Variants in SDK2 observed in about 807,000 individuals in gnomAD.
SDK2 encodes the protein sidekick cell adhesion molecule 2, also known as protein sidekick-2.
Under a neutral mutation model 253.9 loss-of-function variants are expected in SDK2, and 105 were observed. The observed-to-expected ratio is 0.41, with a 90% CI of 0.35 to 0.49. The LOEUF (loss-of-function observed/expected upper bound fraction) is 0.49, where lower values mean the gene tolerates loss of function less well. Ranked by LOEUF, SDK2 falls within the 20% of genes least tolerant of loss-of-function variation. SDK2 has a pLI of 0.06. For missense variants in SDK2, 2,608 were observed against 3,003.0 expected, an observed-to-expected ratio of 0.87 and a Z score of 3.07; for synonymous variants, 1,249 against 1,234.9, an observed-to-expected ratio of 1.01 and a Z score of -0.24.
chr17:73,456,017 C>T lies in SDK2; in HGVS notation c.368G>A (p.Ser123Asn). ...GACAGCTGCTTCTCCGTGGGAGACG[C>T]TCTGGTGCTTCTCACCTTCCTCAAA... ...GSFEEGEKHQSVSHGEAAVIR... is the reference protein window; with the variant it reads ...GSFEEGEKHQNVSHGEAAVIR... The change falls in exon 4 of 45, where the codon AGC (serine) becomes AAC (asparagine). Residue 123 changes from serine to asparagine, a missense_variant. Physicochemically the swap from Ser to Asn is conservative, Grantham distance 46 (BLOSUM62 1). This residue lies in a region of SDK2 where 1,505 missense variants were observed against 1,859.1 expected (regional missense o/e 0.81). Transcript: ENST00000392650. 1 of 1,538,624 alleles carries T rather than the reference C, an allele frequency of 6.5e-7. No individual in the cohort carries two copies. The highest frequency in any genetic ancestry group is 8.8e-7 in the Non-Finnish European group (1 of 1,139,522).
At chr17:73,438,179 T>C in intron 6 of SDK2, 25 bp from the exon 7 acceptor site, 2 of 1,540,814 alleles carry the variant, frequency 1.3e-6, no homozygotes, top group Non-Finnish European at 1.8e-6. Flanking sequence ...GGAAGGCCAG[T>C]GTTCAGCCAT....
intron 36 of SDK2, among the ~76,000 whole-genome samples, chr17:73,376,681 C>T (rs1195277418): frequency 6.6e-6 from 1 of 152,054 alleles, no homozygotes; most frequent in Non-Finnish European, 1.5e-5. Context: ...TAACTCACCA[C>T]TTACAAGCCT....
Position 73,352,548 on chromosome 17 carries a change from T to C in SDK2, c.5683A>G (p.Ser1895Gly). ...FSMDILKPGV[S>G]YDFRVIAVND... ...ACCGCGATGACCCGGAAGTCATAGCTCACGCCCGGCTTCAGGATGTCCATG... is the reference window on the plus strand; with the variant it reads ...ACCGCGATGACCCGGAAGTCATAGCCCACGCCCGGCTTCAGGATGTCCATG... Residue 1895 changes from serine to glycine, a missense_variant, in exon 41 of 45, where the codon AGC becomes GGC. This residue lies in a region of SDK2 where 1,103 missense variants were observed against 1,143.9 expected (regional missense o/e 0.96). Transcript: ENST00000392650. The surrounding 1 kb of genome is among the most constrained non-coding windows in gnomAD (Gnocchi z 4.1). 1 of 1,614,036 alleles carries C rather than the reference T, an allele frequency of 6.2e-7. No homozygotes were observed. The highest frequency in any genetic ancestry group is 2.2e-5 in the East Asian group (1 of 44,886).
rs2063720908 is a variant in SDK2 at position 73,481,140 on chromosome 17, G to C, written c.225-8922C>G. ...TGGAGCAGGCACTGGGGAGGGGACA[G>C]GCAAGCCCAGGCGAGCTGAGCACGG... On this transcript the variant is annotated intron_variant, in intron 2 of 44. Transcript: ENST00000392650. This position sits in a 1 kb window ranked among gnomAD's most constrained non-coding sequence, Gnocchi z 4.5. 6.6e-6 allele frequency among the ~76,000 whole-genome samples: 1 copy of C among 152,236 alleles called. No homozygotes were observed. The highest frequency in any genetic ancestry group is 2.1e-4 in the South Asian group (1 of 4,834).
chr17:73,477,295 T>C (rs549634801), intron 2 of SDK2, among the ~76,000 whole-genome samples: 25 of 150,922 alleles, frequency 1.7e-4, no homozygotes, highest in Non-Finnish European at 3.5e-4. Context: ...ACTGGCTGAG[T>C]CCAGCCCCAT....
intron 1 of SDK2, among the ~76,000 whole-genome samples, chr17:73,583,528 C>T (rs2045564166): frequency 6.6e-6 from 1 of 152,170 alleles, no homozygotes; most frequent in Non-Finnish European, 1.5e-5. Context: ...AACCGCCTCT[C>T]ACCCACTGAG....
At chr17:73,466,331 G>A (rs976451527) in intron 3 of SDK2, among the ~76,000 whole-genome samples, 5 of 152,184 alleles carry the variant, frequency 3.3e-5, no homozygotes, top group African/African-American at 1.2e-4. Context: ...GTTTGTGTGC[G>A]TTGATACCAT....
chr17:73,593,496 A>G (rs1460699616), intron 1 of SDK2, among the ~76,000 whole-genome samples: 1 of 152,144 alleles, frequency 6.6e-6, no homozygotes, highest in African/African-American at 2.4e-5. Flanking sequence ...AACCTGGACA[A>G]CATTTGCCTC....
In SDK2 at chr17:73,394,221, C is replaced by A; in HGVS notation, c.3696G>T (p.Val1232=). ...TCCCGGGACTCACCTTATAGCCCAG[C>A]ACGAGCCCGTTGCGATCAGCCTCGG... The part of the protein sequence containing the change: ...EVPEADRNGL[V]LGYKVMYKEK... The change falls in exon 26 of 45, where the codon GTG becomes GTT. Residue 1232 remains valine, a synonymous_variant. Transcript: ENST00000392650. 1.9e-6 allele frequency: 3 copies of A among 1,577,962 alleles called. No homozygotes were observed. The East Asian group carries it at 6.8e-5, about 36-fold the overall frequency.
At chr17:73,491,377 T>C (rs1477620393) in intron 2 of SDK2, among the ~76,000 whole-genome samples, 3 of 149,218 alleles carry the variant, frequency 2.0e-5, no homozygotes, top group Non-Finnish European at 4.5e-5. Flanking sequence ...TTTTTGGCTT[T>C]TTTTTTTTTT....
chr17:73,557,835 A>G (rs781370796), intron 1 of SDK2, among the ~76,000 whole-genome samples: 1 of 152,172 alleles, frequency 6.6e-6, no homozygotes, highest in Non-Finnish European at 1.5e-5. Context: ...CTGTGAGTCC[A>G]GATTTCCTGC....
chr17:73,384,839 CAA>C (rs2062859291), intron 32 of SDK2, among the ~76,000 whole-genome samples: 1 of 151,820 alleles, frequency 6.6e-6, no homozygotes, highest in South Asian at 2.1e-4. Flanking sequence ...ACAAAAACCC[CAA>C]AAAACCAAAA....
intron 14 of SDK2, 49 bp from the exon 15 acceptor site, chr17:73,422,483 A>T: frequency 6.3e-7 from 1 of 1,592,084 alleles, no homozygotes; most frequent in Non-Finnish European, 8.6e-7. Context: ...GGTGGGATGA[A>T]GCATGCTTCT....
chr17:73,628,727 C>T (rs1377711748), intron 1 of SDK2, among the ~76,000 whole-genome samples: 1 of 152,232 alleles, frequency 6.6e-6, no homozygotes, highest in Admixed American at 6.5e-5. Context: ...AGGCTGGTCA[C>T]TCCTCCTCCC....
At chr17:73,442,014 G>A (rs1183990336) in intron 5 of SDK2, among the ~76,000 whole-genome samples, 2 of 152,250 alleles carry the variant, frequency 1.3e-5, no homozygotes, top group African/African-American at 2.4e-5. Context: ...GCTTAGAAAA[G>A]CATGTAATAC....
intron 1 of SDK2, among the ~76,000 whole-genome samples, chr17:73,573,250 G>A (rs2045413163): frequency 6.6e-6 from 1 of 152,180 alleles, no homozygotes; most frequent in Non-Finnish European, 1.5e-5. Context: ...GGTGGCTCGG[G>A]TCTCTCTTTG....
At position 73,491,849 on chromosome 17, in the gene SDK2, C is replaced by T. The variant is rs144292410; in HGVS notation, c.224+15589G>A. ...AAGCGCTGGGGACCCGCCTGCGAGC[C>T]GCCATCTGGAAAAGGTGGTCGGTGT... On this transcript the variant is annotated intron_variant, in intron 2 of 44. Transcript: ENST00000392650. 5.8e-3 allele frequency among the ~76,000 whole-genome samples: 885 copies of T among 152,314 alleles called. 9 individuals are homozygous for T. Among genetic ancestry groups the T allele is most frequent in the Non-Finnish European group, 9.2e-3 (629 of 68,026 alleles).
intron 1 of SDK2, among the ~76,000 whole-genome samples, chr17:73,556,143 T>C (rs1180282646): frequency 6.6e-6 from 1 of 152,128 alleles, no homozygotes; most frequent in Non-Finnish European, 1.5e-5. Flanking sequence ...ACCATTCCTC[T>C]CCCTCTTAAT....
At chr17:73,526,957 C>T (rs1032740285) in intron 1 of SDK2, among the ~76,000 whole-genome samples, 10 of 152,238 alleles carry the variant, frequency 6.6e-5, no homozygotes, top group Non-Finnish European at 1.0e-4. Context: ...TAGGCCCTGG[C>T]AACACAAAGA....
Sources: allele counts gnomAD v4.1 joint callset (sites outside exome capture counted in the v4.1 genomes callset), GRCh38; gene constraint gnomAD v4.1.1; regional missense constraint gnomAD v4.1.1; non-coding constraint Gnocchi (gnomAD v3.1); transcripts MANE v1.5; gene names NCBI Gene and HGNC (gene_info 2026-07-23, HGNC 2026-07-21).